SHROOM1: variants seen among roughly 807,000 people sequenced by gnomAD.
SHROOM1 encodes shroom family member 1.
Under a neutral mutation model 64.2 loss-of-function variants are expected in SHROOM1, and 53 were observed. That is an observed-to-expected ratio of 0.83 (90% confidence interval 0.66 to 1.04). SHROOM1 has a LOEUF of 1.04. Ranked by LOEUF, SHROOM1 falls within the 50% of genes least tolerant of loss-of-function variation. The pLI, the probability that SHROOM1 is intolerant of heterozygous loss-of-function variation, is 0.00. For synonymous variants in SHROOM1, 490 were observed against 518.9 expected (o/e 0.94, Z 0.76); for missense variants, 1,179 against 1,163.2 (o/e 1.01, Z -0.20).
rs1327294210 is a variant in SHROOM1 at position 132,823,727 on chromosome 5, G to A, written c.1849C>T (p.Pro617Ser). ...QFSFTQLLPA[P>S]REETRLENPA... ...TTTTCAAGCCTTGTCTCCTCCCGAG[G>A]AGCCGGCAGGAGCTGGGTGAAGCTG... Residue 617 changes from proline (P) to serine (S), a missense_variant, in exon 8 of 10, where the codon CCT (proline) becomes TCT (serine). Physicochemically the swap from Pro to Ser is moderately conservative, Grantham distance 74. Coordinates refer to ENST00000378679, the MANE Select transcript of SHROOM1 (RefSeq NM_001172700.2). The surrounding 1 kb of genome is among the most constrained non-coding windows in gnomAD (Gnocchi z 4.6). 4 of 1,607,158 alleles carry A rather than the reference G, an allele frequency of 2.5e-6. No individual in the cohort carries two copies. The South Asian group carries it at 3.3e-5, about 13-fold the overall frequency.
In SHROOM1 at chr5:132,822,933, C is replaced by G. The variant is rs372927957; in HGVS notation, c.2422G>C (p.Glu808Gln). 2 of 1,612,842 alleles carry G rather than the reference C, an allele frequency of 1.2e-6. No homozygotes were observed. Among genetic ancestry groups the G allele is most frequent in the Non-Finnish European group, 1.7e-6 (2 of 1,179,932 alleles). Residue 808 changes from glutamate to glutamine, a missense_variant, in exon 10 of 10, where the codon GAG becomes CAG. Transcript: ENST00000378679. ...TGGTCCTGAAGGAGGCGGATGCGCT[C>G]GTCCAGGTTGCGCTGCTGGGCCAGG... ...AVLAQQRNLD[E>Q]RIRLLQDQLD...
Position 132,823,171 on chromosome 5 carries a change from C to A in SHROOM1, c.2227-43G>T. The A allele has an allele frequency of 1.3e-6, 2 of 1,543,664 alleles. No homozygotes were observed. On this transcript the variant is annotated intron_variant, in intron 9 of 9. Coordinates refer to ENST00000378679, the MANE Select transcript of SHROOM1 (RefSeq NM_001172700.2). This position sits in a 1 kb window ranked among gnomAD's most constrained non-coding sequence, Gnocchi z 4.6. ...GGCGCCGTGAGCCGGGTGAGGGCGC[C>A]GCCGCTCCCGGAATGGTTCCAGCCG...
At position 132,827,544 on chromosome 5, in the gene SHROOM1, A is replaced by T. The variant is rs552387808; in HGVS notation, c.-437T>A. On this transcript the variant is annotated 5_prime_UTR_variant, in exon 2 of 10. Coordinates refer to ENST00000378679, the MANE Select transcript of SHROOM1 (RefSeq NM_001172700.2). ...GGCAGAAGAATCGCTTGAACCCGGGAGGCGGAAGTTGTAGTGAGCCGAGAT... is the reference window on the plus strand; with the variant it reads ...GGCAGAAGAATCGCTTGAACCCGGGTGGCGGAAGTTGTAGTGAGCCGAGAT... The T allele has an allele frequency of 6.6e-6, 1 of 152,500 alleles. No homozygotes were observed. The highest frequency in any genetic ancestry group is 1.9e-4 in the East Asian group (1 of 5,196). 9.4% of individuals were successfully genotyped at this position (152,500 alleles called of 1,614,324 possible). A position where few individuals can be genotyped will look rare whatever the true frequency, so the allele number is the denominator to read the frequency against.
At chr5:132,828,566 T>A (rs1156443896) in intron 1 of SHROOM1, among the ~76,000 whole-genome samples, 1 of 152,204 alleles carries the variant, frequency 6.6e-6, no homozygotes, top group Non-Finnish European at 1.5e-5. Flanking sequence ...CACTAGCTCA[T>A]GTCACCCATC....
intron 6 of SHROOM1, 35 bp downstream of exon 6, chr5:132,824,580 G>A: frequency 6.3e-7 from 1 of 1,583,650 alleles, no homozygotes; most frequent in African/African-American, 1.3e-5. Flanking sequence ...GTGTCAGGGG[G>A]TGCCTCACGA....
Position 132,823,193 on chromosome 5 carries a change from G to A in SHROOM1, c.2226+57C>T, listed in dbSNP as rs1275855325. 6.4e-7 allele frequency: 1 copy of A among 1,554,168 alleles called. No homozygotes were observed. Among genetic ancestry groups the A allele is most frequent in the Non-Finnish European group, 8.6e-7 (1 of 1,158,534 alleles). On this transcript the variant is annotated intron_variant, in intron 9 of 9. Coordinates refer to ENST00000378679, the MANE Select transcript of SHROOM1 (RefSeq NM_001172700.2). The surrounding 1 kb of genome is among the most constrained non-coding windows in gnomAD (Gnocchi z 4.6). ...CGCCGCCGCTCCCGGAATGGTTCCA[G>A]CCGGAGACAGCAGGCCCCTCACCGC...
intron 1 of SHROOM1, among the ~76,000 whole-genome samples, chr5:132,828,803 C>T (rs1758772688): frequency 6.6e-6 from 1 of 152,232 alleles, no homozygotes; most frequent in Non-Finnish European, 1.5e-5. Context: ...GCACTGGTGG[C>T]CCTATCAGGT....
At position 132,823,023 on chromosome 5, in the gene SHROOM1, C is replaced by G; in HGVS notation, c.2332G>C (p.Val778Leu). Residue 778 changes from valine (V) to leucine (L), a missense_variant, in exon 10 of 10, where the codon GTG becomes CTG. By Grantham distance (32) the Val-to-Leu change is conservative. Coordinates refer to ENST00000378679, the MANE Select transcript of SHROOM1 (RefSeq NM_001172700.2). The surrounding 1 kb of genome is among the most constrained non-coding windows in gnomAD (Gnocchi z 4.6). ...RRERAVREVLVRALPVEELRV... is the reference protein window; with the variant it reads ...RRERAVREVLLRALPVEELRV... ...AGCTCCTCCACCGGTAGTGCTCGCACCAGCACCTCCCGCACGGCCCGCTCG... is the reference window on the plus strand; with the variant it reads ...AGCTCCTCCACCGGTAGTGCTCGCAGCAGCACCTCCCGCACGGCCCGCTCG... 6.2e-7 allele frequency: 1 copy of G among 1,601,970 alleles called. No individual in the cohort carries two copies.
chr5:132,824,063 G>A lies in SHROOM1; in HGVS notation c.1598C>T (p.Ser533Phe), dbSNP rs1347725311. ...GCACTGACTAGGCCATGTGGGCCTG[G>A]AACCAGGCTGGCCAGTGCCCCTGGC... is the stretch of plus-strand genomic sequence containing the variant. ...ALARGTGQPG[S>F]RPTWPSQCLE... Residue 533 changes from serine to phenylalanine, a missense_variant, in exon 7 of 10, where the codon TCC becomes TTC. Coordinates refer to ENST00000378679, the MANE Select transcript of SHROOM1 (RefSeq NM_001172700.2). 6.2e-6 allele frequency: 10 copies of A among 1,612,280 alleles called. No homozygotes were observed. Among genetic ancestry groups the A allele is most frequent in the Middle Eastern group, 1.6e-4 (1 of 6,078 alleles).
Position 132,824,799 on chromosome 5 carries a change from C to T in SHROOM1, c.1057G>A (p.Ala353Thr), listed in dbSNP as rs145525559. 8.7e-6 allele frequency: 14 copies of T among 1,614,128 alleles called. No homozygotes were observed. Among genetic ancestry groups the T allele is most frequent in the Non-Finnish European group, 1.1e-5 (13 of 1,180,028 alleles). Residue 353 changes from alanine to threonine, a missense_variant, in exon 6 of 10, where the codon GCG (alanine) becomes ACG (threonine). Coordinates refer to ENST00000378679, the MANE Select transcript of SHROOM1 (RefSeq NM_001172700.2). ...GGTAACTCTGCAGGATACATCACCG[C>T]AGCCTCTTTCTGAGGCAAGAACCTG... ...LSRFLPQKEA[A>T]VMYPAELPQS...
rs771484425 is a variant in SHROOM1, at chr5:132,823,897, A to G, written c.1764T>C (p.Pro588=). The change falls in exon 7 of 10, where the codon CCT becomes CCC. Residue 588 remains proline (P), a synonymous_variant. Coordinates refer to ENST00000378679, the MANE Select transcript of SHROOM1 (RefSeq NM_001172700.2). The surrounding 1 kb of genome is among the most constrained non-coding windows in gnomAD (Gnocchi z 4.6). Reference sequence around the variant, plus strand: ...CCTCCTCTCCAGCCTCCCCACAGGCAGGCCGCATTGCAGCCCGGACCTCTG... The same window carrying G: ...CCTCCTCTCCAGCCTCCCCACAGGCGGGCCGCATTGCAGCCCGGACCTCTG... ...PLAEVRAAMR[P]ACGEAGEEAA... 6.5e-6 allele frequency: 10 copies of G among 1,540,908 alleles called. No homozygotes were observed. In the Admixed American group the frequency reaches 2.0e-4, roughly 31 times the overall value.
intron 1 of SHROOM1, chr5:132,829,863 C>G: frequency 1.0e-6 from 1 of 985,494 alleles, no homozygotes; most frequent in Non-Finnish European, 1.2e-6. Context: ...CAGCGCACCC[C>G]ACGCAGCATC....
chr5:132,825,183 C>CT lies in SHROOM1; in HGVS notation c.957dup (p.Gly320ArgfsTer48). 1 of 1,614,186 alleles carries CT rather than the reference C, an allele frequency of 6.2e-7. No homozygotes were observed. ...CATACCTGGACAATGGGTATGGTCC[C>CT]TCCTGATCCTCCCCAGGAACCCAAG... On this transcript the variant is annotated frameshift_variant, in exon 4 of 10. Transcript: ENST00000378679. LOFTEE classifies it high-confidence loss of function. This position sits in a 1 kb window ranked among gnomAD's most constrained non-coding sequence, Gnocchi z 5.1.
At chr5:132,828,851 A>G (rs975746513) in intron 1 of SHROOM1, among the ~76,000 whole-genome samples, 8 of 152,274 alleles carry the variant, frequency 5.3e-5, no homozygotes, top group Admixed American at 3.3e-4. Flanking sequence ...GGTGCTTTGC[A>G]GAACCTACCA....
chr5:132,824,747 T>C lies in SHROOM1; in HGVS notation c.1109A>G (p.Gln370Arg). 1 of 1,614,118 alleles carries C rather than the reference T, an allele frequency of 6.2e-7. No homozygotes were observed. The highest frequency in any genetic ancestry group is 1.1e-5 in the South Asian group (1 of 91,074). The change falls in exon 6 of 10, where the codon CAG becomes CGG. Residue 370 changes from glutamine to arginine, a missense_variant. Transcript: ENST00000378679. ...LPQSSPADSEQRVSETCIVPA... is the reference protein window; with the variant it reads ...LPQSSPADSERRVSETCIVPA... ...CACAATGCAGGTCTCTGAGACCCTC[T>C]GTTCACTGTCAGCAGGGCTGCTCTG...
chr5:132,823,264 C>G lies in SHROOM1; in HGVS notation c.2212G>C (p.Asp738His), dbSNP rs151078855. The G allele has an allele frequency of 3.8e-4, 613 of 1,598,026 alleles. 6 individuals carry two copies. The East Asian group carries it at 0.013, about 34-fold the overall frequency. The change falls in exon 9 of 10, where the codon GAC becomes CAC. Residue 738 changes from aspartate (D) to histidine (H), a missense_variant. Coordinates refer to ENST00000378679, the MANE Select transcript of SHROOM1 (RefSeq NM_001172700.2). This position sits in a 1 kb window ranked among gnomAD's most constrained non-coding sequence, Gnocchi z 4.6. ...RALARAASDS[D>H]PDEQASLLQR... ...ACCCCTTTTACCTGCTCATCAGGGT[C>G]GCTGTCTGAGGCCGCCCGGGCCAGG...
chr5:132,826,062 T>A lies in SHROOM1; in HGVS notation c.79A>T (p.Met27Leu). 3 of 1,462,984 alleles carry A rather than the reference T, an allele frequency of 2.1e-6. No homozygotes were observed. The highest frequency in any genetic ancestry group is 2.7e-6 in the Non-Finnish European group (3 of 1,108,876). 90.6% of individuals were successfully genotyped at this position (1,462,984 alleles called of 1,614,324 possible). ...GAGCTGTAGGCCGAGTCCGCGCGCA[T>A]GGACAGATGCCACAGGTCCAGGCTG... ...TSSLDLWHLS[M>L]RADSAYSSFS... Residue 27 changes from methionine to leucine, a missense_variant, in exon 4 of 10, where the codon ATG becomes TTG. Transcript: ENST00000378679.
In SHROOM1 at chr5:132,823,796, C is replaced by T. The variant is rs775884764; in HGVS notation, c.1812-32G>A. On this transcript the variant is annotated intron_variant, in intron 7 of 9. Transcript: ENST00000378679. This position sits in a 1 kb window ranked among gnomAD's most constrained non-coding sequence, Gnocchi z 4.6. ...ACAAAACCAGAGCTCCCTGGGTTTC[C>T]TGTCCCCAACTTCAGGGGCTCAGTG... 7.8e-6 allele frequency: 12 copies of T among 1,533,412 alleles called. No individual in the cohort carries two copies. Among genetic ancestry groups the T allele is most frequent in the Non-Finnish European group, 7.9e-6 (9 of 1,140,866 alleles). 95.0% of individuals were successfully genotyped at this position (1,533,412 alleles called of 1,614,324 possible).
chr5:132,822,306 C>T lies in SHROOM1; in HGVS notation c.*490G>A, dbSNP rs966273697. The T allele has an allele frequency of 1.4e-5, 2 of 147,202 alleles. No homozygotes were observed. The highest frequency in any genetic ancestry group is 5.0e-5 in the African/African-American group (2 of 39,988). The allele number at this position is 147,202 out of a possible 1,614,324, so 9.1% of individuals were successfully genotyped here. A position where few individuals can be genotyped will look rare whatever the true frequency, so the allele number is the denominator to read the frequency against. ...TCCATAAATTAATTACCAAATAATA[C>T]ACAAGACCTGGGTGAGGCCACATGA... is the stretch of plus-strand genomic sequence containing the variant. On this transcript the variant is annotated 3_prime_UTR_variant, in exon 10 of 10. Transcript: ENST00000378679.
Sources: allele counts gnomAD v4.1 joint callset (sites outside exome capture counted in the v4.1 genomes callset), GRCh38; gene constraint gnomAD v4.1.1; non-coding constraint Gnocchi (gnomAD v3.1); transcripts MANE v1.5; gene names NCBI Gene and HGNC (gene_info 2026-07-23, HGNC 2026-07-21).